Variants in SLC9A9 observed in about 807,000 individuals in gnomAD.
The protein encoded by SLC9A9 is sodium/hydrogen exchanger 9.
SLC9A9 carries 62 observed loss-of-function variants against 77.8 expected under a neutral mutation model. The ratio of observed to expected loss-of-function variants is 0.80; its 90% CI spans 0.65 to 0.98. SLC9A9 has a LOEUF of 0.98. Ranked by LOEUF, SLC9A9 falls within the 50% of genes least tolerant of loss-of-function variation. The probability of loss-of-function intolerance (pLI) is 0.00; values close to 1 mark genes in which losing one functional copy is unlikely to be tolerated. For missense variants in SLC9A9, 775 were observed against 774.9 expected, an observed-to-expected ratio of 1.00 and a Z score of 0.00; for synonymous variants, 320 against 283.5, an observed-to-expected ratio of 1.13 and a Z score of -1.29.
chr3:143,465,955 T>G (rs980275142), intron 12 of SLC9A9, among the ~76,000 whole-genome samples: 1 of 152,258 alleles, frequency 6.6e-6, no homozygotes, highest in Non-Finnish European at 1.5e-5. Flanking sequence ...GCATAACCAG[T>G]TGGCCTGGTT....
At chr3:143,420,529 T>A (rs1158768319) in intron 12 of SLC9A9, among the ~76,000 whole-genome samples, 1 of 152,230 alleles carries the variant, frequency 6.6e-6, no homozygotes, top group Non-Finnish European at 1.5e-5. Context: ...AGATTATCAC[T>A]GGGCTGTACT....
chr3:143,679,355 C>T (rs1313914747), intron 5 of SLC9A9, among the ~76,000 whole-genome samples: 2 of 152,138 alleles, frequency 1.3e-5, no homozygotes, highest in Non-Finnish European at 2.9e-5. Context: ...ATTCTCTTTC[C>T]CTACAAATCC....
chr3:143,344,326 G>C (rs1050658034), intron 14 of SLC9A9: 5 of 152,108 alleles, frequency 3.3e-5, no homozygotes, highest in African/African-American at 1.2e-4. Context: ...CTTTGCAGAG[G>C]AATATATTTC....
chr3:143,474,976 T>G (rs1262254963), intron 11 of SLC9A9, among the ~76,000 whole-genome samples: 2 of 111,808 alleles, frequency 1.8e-5, no homozygotes, highest in African/African-American at 6.6e-5. Flanking sequence ...TTTTTTTTTT[T>G]GAGACAGAGT....
intron 9 of SLC9A9, among the ~76,000 whole-genome samples, chr3:143,542,129 C>T (rs2036700040): frequency 6.6e-6 from 1 of 152,176 alleles, no homozygotes; most frequent in African/African-American, 2.4e-5. Context: ...GGGAGCTCCA[C>T]TATCATTAGC....
At chr3:143,736,516 G>A (rs1166416995) in intron 4 of SLC9A9, among the ~76,000 whole-genome samples, 2 of 152,068 alleles carry the variant, frequency 1.3e-5, no homozygotes, top group African/African-American at 4.8e-5. Flanking sequence ...TTTAGTAAAC[G>A]TTGAACAGGT....
chr3:143,581,282 T>C (rs1345151450), intron 6 of SLC9A9, among the ~76,000 whole-genome samples: 2 of 152,088 alleles, frequency 1.3e-5, no homozygotes, highest in East Asian at 3.9e-4. Context: ...TGTGGGCACG[T>C]GTGGTGGGGT....
At chr3:143,432,614 C>T (rs2034541831) in intron 12 of SLC9A9, among the ~76,000 whole-genome samples, 1 of 152,082 alleles carries the variant, frequency 6.6e-6, no homozygotes, top group Admixed American at 6.5e-5. Flanking sequence ...AGAATGGTGG[C>T]CACCTGGCTG....
At chr3:143,292,137 A>C (rs1331288921) in intron 14 of SLC9A9, among the ~76,000 whole-genome samples, 2 of 152,218 alleles carry the variant, frequency 1.3e-5, no homozygotes, top group Non-Finnish European at 2.9e-5. Context: ...TGGGATGAGG[A>C]CACAGAGCCA....
intron 6 of SLC9A9, among the ~76,000 whole-genome samples, chr3:143,642,668 T>C (rs1038868026): frequency 7.9e-4 from 121 of 152,362 alleles, no homozygotes; most frequent in African/African-American, 2.8e-3. Context: ...GTTTCTCCTT[T>C]TGAAATTTTT....
intron 12 of SLC9A9, among the ~76,000 whole-genome samples, chr3:143,440,348 T>C (rs951131625): frequency 9.2e-5 from 14 of 152,308 alleles, no homozygotes; most frequent in African/African-American, 3.4e-4. Flanking sequence ...CTTTTGCTTA[T>C]GATTGGCAGA....
intron 8 of SLC9A9, among the ~76,000 whole-genome samples, chr3:143,558,171 A>C (rs1034660647): frequency 1.3e-5 from 2 of 152,152 alleles, no homozygotes; most frequent in Non-Finnish European, 2.9e-5. Context: ...AGATTTGGGA[A>C]CCTCCACCTA....
At chr3:143,313,380 G>A (rs2108439397) in intron 14 of SLC9A9, 1 of 152,296 alleles carries the variant, frequency 6.6e-6, no homozygotes, top group Middle Eastern at 3.4e-3. Flanking sequence ...ATAGCCATAG[G>A]AACATAGCTC....
intron 9 of SLC9A9, among the ~76,000 whole-genome samples, chr3:143,520,506 T>C (rs1185860749): frequency 2.0e-5 from 3 of 152,230 alleles, no homozygotes; most frequent in East Asian, 1.9e-4. Context: ...TATTCTGTTA[T>C]AGCAGTCCAA....
Position 143,578,589 on chromosome 3 carries a change from G to T in SLC9A9, c.890C>A (p.Ala297Glu). 1.2e-6 allele frequency: 2 copies of T among 1,613,898 alleles called. No individual in the cohort carries two copies. The highest frequency in any genetic ancestry group is 1.7e-6 in the Non-Finnish European group (2 of 1,179,852). ...AMGSAYAIIT[A>E]LLTKFTKLCE... is the part of the protein sequence containing the mutation. The stretch of plus-strand genomic sequence containing the variant: ...CCACATACAGACAAAGGATATCAGT[G>T]CTGTGATGATGGCATACGCAGACCC... The change falls in exon 7 of 16, where the codon GCA becomes GAA. Residue 297 changes from alanine to glutamate, a missense_variant. By Grantham distance (107) the Ala-to-Glu change is moderately radical (BLOSUM62 -1). Transcript: ENST00000316549.
chr3:143,347,519 T>A (rs569159079), intron 14 of SLC9A9, among the ~76,000 whole-genome samples: 1 of 152,218 alleles, frequency 6.6e-6, no homozygotes, highest in Non-Finnish European at 1.5e-5. Flanking sequence ...GGGAACTACA[T>A]CTCTTTAAGG....
chr3:143,269,033 C>A, intron 14 of SLC9A9, 53 bp from the exon 15 acceptor site: 1 of 1,316,658 alleles, frequency 7.6e-7, no homozygotes, highest in Non-Finnish European at 1.1e-6. Flanking sequence ...ATTTAGGAAT[C>A]TTACGCTGCA....
chr3:143,652,478 A>G, intron 5 of SLC9A9, 118 bp from the exon 6 acceptor site: 1 of 775,094 alleles, frequency 1.3e-6, no homozygotes, highest in Non-Finnish European at 2.3e-6. Context: ...TCCAATGACT[A>G]TACTAACACC....
At chr3:143,686,267 C>T (rs940247570) in intron 5 of SLC9A9, among the ~76,000 whole-genome samples, 4 of 151,734 alleles carry the variant, frequency 2.6e-5, no homozygotes, top group Non-Finnish European at 4.4e-5. Context: ...AACTGTAAGA[C>T]TGAAAAGAGG....
Sources: allele counts gnomAD v4.1 joint callset (sites outside exome capture counted in the v4.1 genomes callset), GRCh38; gene constraint gnomAD v4.1.1; transcripts MANE v1.5; gene names NCBI Gene and HGNC (gene_info 2026-07-23, HGNC 2026-07-21).